Variants in GALK2 observed in about 807,000 individuals in gnomAD.
GALK2 encodes the protein galactokinase 2.
In GALK2, 36 loss-of-function variants were observed where a neutral mutation model predicts 52.4. The ratio of observed to expected loss-of-function variants is 0.69; its 90% CI spans 0.53 to 0.91. GALK2 has a LOEUF of 0.91. Ranked by LOEUF, GALK2 falls within the 40% of genes least tolerant of loss-of-function variation. GALK2 has a pLI of 0.00. For missense variants in GALK2, 579 were observed against 559.1 expected, an observed-to-expected ratio of 1.04 and a Z score of -0.36; for synonymous variants, 176 against 199.1, an observed-to-expected ratio of 0.88 and a Z score of 0.98.
At chr15:49,255,705 G>A (rs1249256084) in intron 5 of GALK2, among the ~76,000 whole-genome samples, 2 of 152,020 alleles carry the variant, frequency 1.3e-5, no homozygotes, top group Admixed American at 6.6e-5. Context: ...TATGTCATAT[G>A]AATTCCCCTT....
intron 1 of GALK2, chr15:49,185,467 A>C (rs2086275944): frequency 6.6e-6 from 1 of 152,204 alleles, no homozygotes; most frequent in Non-Finnish European, 1.5e-5. Context: ...TTTTGGTAGA[A>C]TGATTTATTT....
chr15:49,291,559 GA>G (rs1307687209), intron 7 of GALK2, among the ~76,000 whole-genome samples: 4 of 152,134 alleles, frequency 2.6e-5, no homozygotes, highest in Non-Finnish European at 5.9e-5. Context: ...CAGGATAAGA[GA>G]AATCCTCACT....
chr15:49,314,595 T>C (rs576475239), intron 8 of GALK2, among the ~76,000 whole-genome samples: 29 of 152,344 alleles, frequency 1.9e-4, no homozygotes, highest in African/African-American at 6.5e-4. Context: ...CAAACATTTA[T>C]TGAACCCCTA....
chr15:49,248,680 T>C (rs1345621172), intron 5 of GALK2, among the ~76,000 whole-genome samples: 2 of 152,208 alleles, frequency 1.3e-5, no homozygotes, highest in East Asian at 3.8e-4. Context: ...AGGAGTAGGA[T>C]TGGAGACTGA....
In GALK2 at chr15:49,328,076, A is replaced by G. The variant is rs1187190741; in HGVS notation, c.1294A>G (p.Ser432Gly). 6.2e-7 allele frequency: 1 copy of G among 1,614,104 alleles called. No individual in the cohort carries two copies. The highest frequency in any genetic ancestry group is 1.3e-5 in the African/African-American group (1 of 75,032). ...ANVHKAYYQR[S>G]DGSLAPEKQS... Reference sequence around the variant, plus strand: ...TGTGCACAAAGCTTATTACCAGAGGAGTGATGGAAGCTTAGCACCGGAGAA... The same window carrying G: ...TGTGCACAAAGCTTATTACCAGAGGGGTGATGGAAGCTTAGCACCGGAGAA... Residue 432 changes from serine (S) to glycine (G), a missense_variant, in exon 10 of 10, where the codon AGT becomes GGT. Ser to Gly is a moderately conservative substitution (Grantham distance 56). Coordinates refer to ENST00000560031, the MANE Select transcript of GALK2 (RefSeq NM_002044.4).
intron 3 of GALK2, among the ~76,000 whole-genome samples, chr15:49,220,863 G>T (rs908735701): frequency 6.6e-5 from 10 of 152,196 alleles, no homozygotes; most frequent in African/African-American, 2.2e-4. Flanking sequence ...ATACCTATCT[G>T]CCATTTGTAT....
rs754813972 is a variant in GALK2 at position 49,254,550 on chromosome 15, CAA to C, written c.504+15186_504+15187del. Among the ~76,000 whole-genome samples the C allele has an allele frequency of 4.2e-5, 6 of 143,574 alleles. 1 individual carries two copies. The highest frequency in any genetic ancestry group is 9.4e-5 in the Non-Finnish European group (6 of 63,954). The allele number at this position is 143,574 out of a possible 152,430, so 94.2% of individuals were successfully genotyped here. On this transcript the variant is annotated intron_variant, in intron 5 of 9. Transcript: ENST00000560031. ...TTTGTATTTATATTTATTTTCATGA[CAA>C]AATATTTTAATTCTCATCAGGTTTT...
intron 3 of GALK2, among the ~76,000 whole-genome samples, chr15:49,349,019 T>G (rs988927783): frequency 1.3e-5 from 2 of 152,198 alleles, no homozygotes; most frequent in Admixed American, 6.5e-5. Flanking sequence ...TAAAAAATGA[T>G]GTAACTCACT....
chr15:49,362,076 C>T (rs1205507985), intron 3 of GALK2, among the ~76,000 whole-genome samples: 1 of 151,936 alleles, frequency 6.6e-6, no homozygotes, highest in Non-Finnish European at 1.5e-5. Flanking sequence ...GTCTTTTGCC[C>T]ACTTCTTAAT....
intron 8 of GALK2, among the ~76,000 whole-genome samples, chr15:49,301,808 A>C (rs1443060430): frequency 6.6e-6 from 1 of 151,954 alleles, no homozygotes; most frequent in Non-Finnish European, 1.5e-5. Context: ...TCAGTTCCTG[A>C]CTCATTTGTT....
chr15:49,267,092 A>G (rs949230687), intron 5 of GALK2, among the ~76,000 whole-genome samples: 27 of 152,336 alleles, frequency 1.8e-4, no homozygotes, highest in African/African-American at 6.5e-4. Context: ...TTGTTAAAAC[A>G]TGGCAAAGCA....
At chr15:49,345,948 A>T (rs1418904560) in intron 3 of GALK2, among the ~76,000 whole-genome samples, 1 of 152,096 alleles carries the variant, frequency 6.6e-6, no homozygotes, top group African/African-American at 2.4e-5. Flanking sequence ...CCAGGGGCAA[A>T]TTTCGTACTT....
intron 9 of GALK2, chr15:49,327,384 AC>A: frequency 6.6e-6 from 1 of 152,316 alleles, no homozygotes; most frequent in East Asian, 1.9e-4. Flanking sequence ...GAGTTTAATA[AC>A]ACGCTTTTTG....
At chr15:49,345,281 G>A (rs2041302269) in intron 3 of GALK2, among the ~76,000 whole-genome samples, 1 of 152,024 alleles carries the variant, frequency 6.6e-6, no homozygotes, top group South Asian at 2.1e-4. Context: ...AATGAACTGG[G>A]TAGACATACG....
At chr15:49,170,041 C>G (rs1350233825), upstream of GALK2, 3 of 485,180 alleles carry the variant, frequency 6.2e-6, no homozygotes, top group Non-Finnish European at 1.1e-5. Context: ...GTGCTCTGCG[C>G]AGGGGCTCCT....
chr15:49,241,357 G>A (rs2091084549), intron 5 of GALK2, among the ~76,000 whole-genome samples: 1 of 152,140 alleles, frequency 6.6e-6, no homozygotes. Flanking sequence ...CAAGAAACAT[G>A]AACATTTGAG....
intron 1 of GALK2, among the ~76,000 whole-genome samples, chr15:49,200,843 A>G (rs1045502428): frequency 6.6e-6 from 1 of 152,206 alleles, no homozygotes. Context: ...AAAAAAGTAT[A>G]CAGAAACTAC....
chr15:49,187,243 A>C (rs1343946908), intron 1 of GALK2, among the ~76,000 whole-genome samples: 4 of 152,144 alleles, frequency 2.6e-5, no homozygotes, highest in Non-Finnish European at 5.9e-5. Context: ...AATTCCCTGG[A>C]TTACCAGGCA....
chr15:49,358,782 C>G (rs2043641289), intron 3 of GALK2, among the ~76,000 whole-genome samples: 1 of 152,136 alleles, frequency 6.6e-6, no homozygotes, highest in African/African-American at 2.4e-5. Flanking sequence ...ATCGCCAAGT[C>G]AAACTTAAGC....
Sources: allele counts gnomAD v4.1 joint callset (sites outside exome capture counted in the v4.1 genomes callset), GRCh38; gene constraint gnomAD v4.1.1; transcripts MANE v1.5; gene names NCBI Gene and HGNC (gene_info 2026-07-23, HGNC 2026-07-21).